CECR2: variants seen among roughly 807,000 people sequenced by gnomAD.
The protein encoded by CECR2 is CECR2 histone acetyl-lysine reader.
Under a neutral mutation model 154.5 loss-of-function variants are expected in CECR2, and 30 were observed. The ratio of observed to expected loss-of-function variants is 0.19; its 90% confidence interval spans 0.15 to 0.26. The LOEUF is 0.26. CECR2 is among the 10% of genes least tolerant of loss of function. CECR2 has a pLI of 1.00. For missense variants in CECR2, 1,743 were observed against 1,829.3 expected (o/e 0.95, Z 0.86); for synonymous variants, 725 against 683.7 (o/e 1.06, Z -0.94).
In CECR2 at chr22:17,548,696, C is replaced by G. The variant is rs763711455; in HGVS notation, c.3409C>G (p.Pro1137Ala). Residue 1137 changes from proline (P) to alanine (A), a missense_variant, in exon 17 of 19, where the codon CCA becomes GCA. Transcript: ENST00000262608. Reference sequence around the variant, plus strand: ...TTCAGCTGCCCATTACCACATCAGTCCAGGCCTGCAGGGTGTGGGCCCTGT... The same window carrying G: ...TTCAGCTGCCCATTACCACATCAGTGCAGGCCTGCAGGGTGTGGGCCCTGT... ...PNSAAHYHISPGLQGVGPVMG... is the reference protein window; with the variant it reads ...PNSAAHYHISAGLQGVGPVMG... 5 of 1,613,594 alleles carry G rather than the reference C, an allele frequency of 3.1e-6. No homozygotes were observed. The highest frequency in any genetic ancestry group is 1.6e-4 in the Middle Eastern group (1 of 6,062).
At position 17,394,197 on chromosome 22, in the gene CECR2, C is replaced by CTTTTTTTTTTTTTTTT. The variant is rs71200271; in HGVS notation, c.126+24299_126+24314dup. 6.2e-5 allele frequency among the ~76,000 whole-genome samples: 6 copies of CTTTTTTTTTTTTTTTT among 97,088 alleles called. 3 individuals carry two copies. The highest frequency in any genetic ancestry group is 8.4e-5 in the African/African-American group (2 of 23,876). 63.7% of individuals were successfully genotyped at this position (97,088 alleles called of 152,430 possible). A position where few individuals can be genotyped will look rare whatever the true frequency, so the allele number is the denominator to read the frequency against. On this transcript the variant is annotated intron_variant, in intron 1 of 18. Coordinates refer to ENST00000262608, the MANE Select transcript of CECR2 (RefSeq NM_001290047.2). ...CCACCGCGCCCAGCTGCTGCCGCTG[C>CTTTTTTTTTTTTTTTT]TTTTTTTTTTTTTTTTTTTTTTTTT... is the stretch of plus-strand genomic sequence containing the variant.
intron 1 of CECR2, among the ~76,000 whole-genome samples, chr22:17,472,853 C>G (rs945254203): frequency 5.3e-5 from 8 of 152,160 alleles, no homozygotes; most frequent in African/African-American, 1.9e-4. Context: ...TGTCACTTGA[C>G]TGTCTCCAGT....
intron 1 of CECR2, among the ~76,000 whole-genome samples, chr22:17,454,257 C>T (rs1367705391): frequency 6.6e-6 from 1 of 151,874 alleles, no homozygotes; most frequent in African/African-American, 2.4e-5. Flanking sequence ...CATGATCGCA[C>T]CACTGCACCC....
intron 1 of CECR2, among the ~76,000 whole-genome samples, chr22:17,400,749 A>G (rs1176511228): frequency 2.6e-5 from 4 of 151,968 alleles, no homozygotes; most frequent in African/African-American, 4.8e-5. Context: ...GGATCCCAGG[A>G]GAGTCTTTTT....
At chr22:17,501,418 C>T (rs932608399) in intron 5 of CECR2, among the ~76,000 whole-genome samples, 6 of 152,030 alleles carry the variant, frequency 3.9e-5, no homozygotes, top group Non-Finnish European at 5.9e-5. Context: ...ATTAGCCAGT[C>T]GTGGTGGCGG....
At chr22:17,484,328 T>C (rs2055382306) in intron 2 of CECR2, among the ~76,000 whole-genome samples, 1 of 152,180 alleles carries the variant, frequency 6.6e-6, no homozygotes, top group South Asian at 2.1e-4. Flanking sequence ...CCTGAGGAAC[T>C]AGTGTTACAG....
At chr22:17,378,620 C>G (rs1234982122) in intron 1 of CECR2, among the ~76,000 whole-genome samples, 1 of 152,180 alleles carries the variant, frequency 6.6e-6, no homozygotes, top group Non-Finnish European at 1.5e-5. Flanking sequence ...TTGTTGGCCT[C>G]TATGCTCCAG....
At chr22:17,434,896 G>C (rs893685180) in intron 1 of CECR2, among the ~76,000 whole-genome samples, 1 of 152,126 alleles carries the variant, frequency 6.6e-6, no homozygotes, top group African/African-American at 2.4e-5. Flanking sequence ...GCATTATCTG[G>C]CACTGATGGA....
intron 1 of CECR2, among the ~76,000 whole-genome samples, chr22:17,407,382 G>A (rs1310546933): frequency 1.3e-5 from 2 of 152,158 alleles, no homozygotes; most frequent in African/African-American, 2.4e-5. Flanking sequence ...GATCACCTGA[G>A]GTCAGGAGTT....
chr22:17,536,395 G>C (rs2147006473), intron 9 of CECR2, among the ~76,000 whole-genome samples: 1 of 152,248 alleles, frequency 6.6e-6, no homozygotes, highest in Admixed American at 6.5e-5. Context: ...CAAGTGGTAA[G>C]TGCCCCATCA....
chr22:17,457,276 C>T (rs1230596346), intron 1 of CECR2, among the ~76,000 whole-genome samples: 2 of 152,238 alleles, frequency 1.3e-5, no homozygotes, highest in East Asian at 3.8e-4. Context: ...ATCCACCCGC[C>T]TCGGCCTCCC....
At chr22:17,395,016 G>C (rs1209812189) in intron 1 of CECR2, among the ~76,000 whole-genome samples, 1 of 152,048 alleles carries the variant, frequency 6.6e-6, no homozygotes, top group Non-Finnish European at 1.5e-5. Context: ...GTGAGTTTTG[G>C]AAAATGCATG....
chr22:17,464,790 T>C (rs2518754), intron 1 of CECR2, among the ~76,000 whole-genome samples: 18,883 of 152,130 alleles, frequency 0.12, 1,596 homozygotes, highest in African/African-American at 0.24. Flanking sequence ...CATGAGCCAT[T>C]GTGCCCAGTC....
intron 1 of CECR2, among the ~76,000 whole-genome samples, chr22:17,471,778 A>C (rs1390415103): frequency 2.0e-5 from 3 of 151,886 alleles, no homozygotes; most frequent in Non-Finnish European, 4.4e-5. Context: ...CAGGTGATCC[A>C]CCTGCCTCAG....
intron 9 of CECR2, among the ~76,000 whole-genome samples, chr22:17,531,291 A>C (rs1569145931): frequency 6.6e-6 from 1 of 152,242 alleles, no homozygotes; most frequent in African/African-American, 2.4e-5. Context: ...CACTGCTAGC[A>C]CTATGAAGGC....
intron 17 of CECR2, among the ~76,000 whole-genome samples, chr22:17,551,505 C>T (rs1302931086): frequency 1.3e-5 from 2 of 152,132 alleles, no homozygotes; most frequent in Admixed American, 6.6e-5. Flanking sequence ...CACACAGTCT[C>T]CTTGTGTGTA....
intron 6 of CECR2, among the ~76,000 whole-genome samples, chr22:17,504,459 C>T (rs986817178): frequency 5.7e-5 from 8 of 139,846 alleles, no homozygotes; most frequent in Admixed American, 2.2e-4. Flanking sequence ...TTATTTGAGA[C>T]GGAGTCTCAC....
intron 1 of CECR2, among the ~76,000 whole-genome samples, chr22:17,391,712 CAT>C (rs1014940723): frequency 3.3e-5 from 5 of 152,170 alleles, no homozygotes; most frequent in African/African-American, 7.2e-5. Context: ...TGAATGATCA[CAT>C]ATTATTTTGA....
chr22:17,547,504 A>C (rs1175148633), intron 16 of CECR2, among the ~76,000 whole-genome samples: 1 of 150,822 alleles, frequency 6.6e-6, no homozygotes, highest in Non-Finnish European at 1.5e-5. Context: ...TGCTGGGATT[A>C]CAGGCGTGAG....
Sources: allele counts gnomAD v4.1 joint callset (sites outside exome capture counted in the v4.1 genomes callset), GRCh38; gene constraint gnomAD v4.1.1; transcripts MANE v1.5; gene names NCBI Gene and HGNC (gene_info 2026-07-23, HGNC 2026-07-21).